FRMD5: variants seen among roughly 807,000 people sequenced by gnomAD.
FRMD5 encodes the protein FERM domain containing 5.
A neutral mutation model predicts 69.0 loss-of-function variants in FRMD5; 20 were observed. That is an observed-to-expected ratio of 0.29 (90% CI 0.20 to 0.42). The LOEUF (loss-of-function observed/expected upper bound fraction) is 0.42. FRMD5 is among the 10% of genes least tolerant of loss of function. FRMD5 has a pLI of 1.00. For missense variants in FRMD5, 595 were observed against 708.6 expected (o/e 0.84, Z 1.82); for synonymous variants, 271 against 260.1 (o/e 1.04, Z -0.40).
chr15:44,098,537 A>AG lies in FRMD5; in HGVS notation c.102+96415_102+96416insC, dbSNP rs200309481. On this transcript the variant is annotated intron_variant, in intron 1 of 13. Transcript: ENST00000417257. ...AGACTCTGTCTCAAAAAAAAAAAAA[A>AG]AAGAGAGAGAGAGACATAAGCAGAA... 0.015 allele frequency among the ~76,000 whole-genome samples: 2,094 copies of AG among 135,490 alleles called. 112 individuals are homozygous for AG. In the East Asian group the frequency reaches 0.16, roughly 10 times the overall value. 88.9% of individuals were successfully genotyped at this position (135,490 alleles called of 152,430 possible).
At chr15:44,136,314 G>A (rs985101612) in intron 1 of FRMD5, among the ~76,000 whole-genome samples, 2 of 152,102 alleles carry the variant, frequency 1.3e-5, no homozygotes, top group African/African-American at 2.4e-5. Context: ...GTGAGCCACG[G>A]TGCCTGGCCT....
At chr15:43,880,981 T>A (rs998168923) in intron 13 of FRMD5, among the ~76,000 whole-genome samples, 1 of 152,208 alleles carries the variant, frequency 6.6e-6, no homozygotes, top group Non-Finnish European at 1.5e-5. Flanking sequence ...AAGGACTGTT[T>A]TCCCCGCCTC....
chr15:44,158,213 G>GA (rs772957225), intron 1 of FRMD5, among the ~76,000 whole-genome samples: 8 of 152,112 alleles, frequency 5.3e-5, no homozygotes, highest in Admixed American at 3.9e-4. Flanking sequence ...AACCACAAGA[G>GA]AAACATTAAA....
intron 13 of FRMD5, among the ~76,000 whole-genome samples, chr15:43,878,312 A>T (rs1211376674): frequency 6.6e-6 from 1 of 152,248 alleles, no homozygotes; most frequent in Non-Finnish European, 1.5e-5. Context: ...CAGTTTCTAA[A>T]GACCCTGTCA....
intron 1 of FRMD5, among the ~76,000 whole-genome samples, chr15:44,015,778 T>C (rs1595626400): frequency 6.6e-6 from 1 of 152,232 alleles, no homozygotes; most frequent in African/African-American, 2.4e-5. Context: ...GGTTACGTCA[T>C]ACTGAAGGAC....
At chr15:43,906,113 C>T (rs997181538) in intron 5 of FRMD5, among the ~76,000 whole-genome samples, 162 bp from the exon 6 acceptor site, 2 of 152,220 alleles carry the variant, frequency 1.3e-5, no homozygotes, top group African/African-American at 2.4e-5. Flanking sequence ...AGGGCAGGCC[C>T]TTCAGGAGCA....
intron 1 of FRMD5, among the ~76,000 whole-genome samples, chr15:44,078,576 A>G (rs1169554201): frequency 6.6e-6 from 1 of 152,210 alleles, no homozygotes; most frequent in African/African-American, 2.4e-5. Context: ...CTGCATAAGA[A>G]CAGACATATA....
intron 1 of FRMD5, among the ~76,000 whole-genome samples, chr15:44,041,855 A>C (rs1892208680): frequency 6.6e-6 from 1 of 152,196 alleles, no homozygotes; most frequent in Non-Finnish European, 1.5e-5. Context: ...ACACCCTACC[A>C]TCACAATTAA....
chr15:44,199,312 A>T (rs2078327170), upstream of FRMD5, among the ~76,000 whole-genome samples: 1 of 152,232 alleles, frequency 6.6e-6, no homozygotes, highest in Admixed American at 6.5e-5. Flanking sequence ...TGGACTATGG[A>T]TTAGATACAG....
chr15:43,903,393 AT>A (rs1226220835), intron 6 of FRMD5, among the ~76,000 whole-genome samples: 4 of 152,212 alleles, frequency 2.6e-5, no homozygotes, highest in Non-Finnish European at 5.9e-5. Context: ...CTGGAGAGGC[AT>A]TAGTCAGGCA....
chr15:44,146,548 C>A (rs550833781), intron 1 of FRMD5, among the ~76,000 whole-genome samples: 12 of 152,158 alleles, frequency 7.9e-5, no homozygotes, highest in Non-Finnish European at 1.8e-4. Flanking sequence ...ATTTCTGGCT[C>A]TAGGTCTTTG....
At chr15:44,063,346 G>A (rs1457693322) in intron 1 of FRMD5, among the ~76,000 whole-genome samples, 1 of 152,096 alleles carries the variant, frequency 6.6e-6, no homozygotes, top group Non-Finnish European at 1.5e-5. Flanking sequence ...AAATTTATTA[G>A]CATAAATTTA....
rs1163525225 is a variant in FRMD5, at chr15:43,873,721, C to G, written c.*164G>C. 13 of 1,517,394 alleles carry G rather than the reference C, an allele frequency of 8.6e-6. No homozygotes were observed. Among genetic ancestry groups the G allele is most frequent in the Non-Finnish European group, 1.1e-5 (13 of 1,142,070 alleles). 94.0% of individuals were successfully genotyped at this position (1,517,394 alleles called of 1,614,324 possible). On this transcript the variant is annotated 3_prime_UTR_variant, in exon 14 of 14. Coordinates refer to ENST00000417257, the MANE Select transcript of FRMD5 (RefSeq NM_032892.5). ...GTTTAGACAGGGCATGAGCCTATCCCTTTCTTCTTCTGGGAAACACCCTCC... is the reference window on the plus strand; with the variant it reads ...GTTTAGACAGGGCATGAGCCTATCCGTTTCTTCTTCTGGGAAACACCCTCC...
At chr15:43,894,873 G>A (rs1336994389) in intron 7 of FRMD5, among the ~76,000 whole-genome samples, 1 of 152,186 alleles carries the variant, frequency 6.6e-6, no homozygotes, top group Non-Finnish European at 1.5e-5. Flanking sequence ...CAGACTCCTT[G>A]TCTTAGAATG....
chr15:44,195,794 T>G (rs2078285502), upstream of FRMD5, among the ~76,000 whole-genome samples: 1 of 152,194 alleles, frequency 6.6e-6, no homozygotes, highest in African/African-American at 2.4e-5. Flanking sequence ...CCCTCTTATT[T>G]TGGGAAACAG....
chr15:44,066,182 C>G (rs1893303759), intron 1 of FRMD5, among the ~76,000 whole-genome samples: 1 of 152,102 alleles, frequency 6.6e-6, no homozygotes, highest in South Asian at 2.1e-4. Context: ...TGTCCAGGTT[C>G]TTGTTTTCAA....
At chr15:43,949,959 A>C (rs951022664) in intron 1 of FRMD5, among the ~76,000 whole-genome samples, 1 of 152,194 alleles carries the variant, frequency 6.6e-6, no homozygotes, top group Non-Finnish European at 1.5e-5. Context: ...AGGCTTGGGA[A>C]GGGCACACGT....
Position 43,873,542 on chromosome 15 carries a change from A to G in FRMD5, c.*343T>C. 2 of 1,391,716 alleles carry G rather than the reference A, an allele frequency of 1.4e-6. No individual in the cohort carries two copies. Among genetic ancestry groups the G allele is most frequent in the Non-Finnish European group, 1.9e-6 (2 of 1,072,678 alleles). 86.2% of individuals were successfully genotyped at this position (1,391,716 alleles called of 1,614,324 possible). On this transcript the variant is annotated 3_prime_UTR_variant, in exon 14 of 14. Transcript: ENST00000417257. The stretch of plus-strand genomic sequence containing the variant: ...TACTGCAATAATCAGTAATAGTAAA[A>G]TAAATTATTTTTATTTGATACTTCA...
intron 1 of FRMD5, among the ~76,000 whole-genome samples, chr15:44,022,141 A>G (rs1225641577): frequency 6.6e-6 from 1 of 152,184 alleles, no homozygotes; most frequent in Admixed American, 6.5e-5. Context: ...GGAGGGAGTA[A>G]TAGTTTCTGT....
Sources: allele counts gnomAD v4.1 joint callset (sites outside exome capture counted in the v4.1 genomes callset), GRCh38; gene constraint gnomAD v4.1.1; transcripts MANE v1.5; gene names NCBI Gene and HGNC (gene_info 2026-07-23, HGNC 2026-07-21).